Variants in TBC1D10B observed in about 807,000 individuals in gnomAD.
TBC1D10B encodes TBC1 domain family member 10B, also known as Rab27A-GAPbeta.
A neutral mutation model predicts 78.4 loss-of-function variants in TBC1D10B; 25 were observed. The observed-to-expected ratio is 0.32, with a 90% CI of 0.23 to 0.45. The LOEUF (loss-of-function observed/expected upper bound fraction) is 0.45. Among genes scored for constraint, TBC1D10B ranks in the 20% least tolerant of loss-of-function variants. The probability of loss-of-function intolerance (pLI) is 1.00; values close to 1 mark genes in which losing one functional copy is unlikely to be tolerated. For missense variants in TBC1D10B, 996 were observed against 1,104.8 expected (o/e 0.90, Z 1.40); for synonymous variants, 517 against 478.0 (o/e 1.08, Z -1.06).
Position 30,358,907 on chromosome 16 carries a change from A to C in TBC1D10B, c.1643-90T>G, listed in dbSNP as rs1238209104. The C allele has an allele frequency of 2.8e-6, 4 of 1,438,450 alleles. No individual in the cohort carries two copies. In the Admixed American group the frequency reaches 1.0e-4, roughly 37 times the overall value. 89.1% of individuals were successfully genotyped at this position (1,438,450 alleles called of 1,614,324 possible). A position where few individuals can be genotyped will look rare whatever the true frequency, so the allele number is the denominator to read the frequency against. On this transcript the variant is annotated intron_variant, in intron 7 of 8. Coordinates refer to ENST00000409939, the MANE Select transcript of TBC1D10B (RefSeq NM_015527.4). ...GGATAGACTCACAGCCCCCATCCCC[A>C]TCTACTGCCAATCTCAGATGAGGAA...
chr16:30,369,862 C>T lies in TBC1D10B; in HGVS notation c.322G>A (p.Gly108Ser), dbSNP rs1416348192. 2.1e-6 allele frequency: 3 copies of T among 1,396,016 alleles called. No homozygotes were observed. The highest frequency in any genetic ancestry group is 1.6e-5 in the South Asian group (1 of 61,920). The allele number at this position is 1,396,016 out of a possible 1,614,324, so 86.5% of individuals were successfully genotyped here. Reference sequence around the variant, plus strand: ...GCCGCGGGCTCTGGGGATTCCGGGCCGGAGGGGAGCTGCGGCTTTGGGGCT... The same window carrying T: ...GCCGCGGGCTCTGGGGATTCCGGGCTGGAGGGGAGCTGCGGCTTTGGGGCT... Reference protein sequence around the residue: ...PEAPKPQLPSGPESPEPAAVA... With the variant: ...PEAPKPQLPSSPESPEPAAVA... The change falls in exon 1 of 9, where the codon GGC becomes AGC. Residue 108 changes from glycine (G) to serine (S), a missense_variant. By Grantham distance (56) the Gly-to-Ser change is moderately conservative. Coordinates refer to ENST00000409939, the MANE Select transcript of TBC1D10B (RefSeq NM_015527.4). This position sits in a 1 kb window ranked among gnomAD's most constrained non-coding sequence, Gnocchi z 4.3.
chr16:30,366,429 C>G (rs1380139016), intron 1 of TBC1D10B: 1 of 152,018 alleles, frequency 6.6e-6, no homozygotes, highest in South Asian at 2.1e-4. Flanking sequence ...CGCTTGAACC[C>G]GGGAGGCGGA....
rs1282273509 is a variant in TBC1D10B, at chr16:30,368,342, G to A, written c.956+886C>T. 2.0e-5 allele frequency among the ~76,000 whole-genome samples: 3 copies of A among 152,272 alleles called. No individual in the cohort carries two copies. The East Asian group carries it at 5.8e-4, about 29-fold the overall frequency. On this transcript the variant is annotated intron_variant, in intron 1 of 8. Coordinates refer to ENST00000409939, the MANE Select transcript of TBC1D10B (RefSeq NM_015527.4). ...CTGGAGATCTCTAGGCTAAACCCGA[G>A]GTCTTCTATTGAAACCAACTGTTTA...
intron 4 of TBC1D10B, among the ~76,000 whole-genome samples, chr16:30,362,599 G>C (rs941580173): frequency 5.9e-5 from 9 of 152,118 alleles, no homozygotes; most frequent in African/African-American, 2.2e-4. Context: ...ATCCAGTCTC[G>C]TGGGTAAGAT....
chr16:30,369,315 A>T lies in TBC1D10B; in HGVS notation c.869T>A (p.Met290Lys). The T allele has an allele frequency of 1.3e-6, 2 of 1,595,492 alleles. No individual in the cohort carries two copies. The highest frequency in any genetic ancestry group is 1.7e-6 in the Non-Finnish European group (2 of 1,171,372). Residue 290 changes from methionine to lysine, a missense_variant, in exon 1 of 9, where the codon ATG (methionine) becomes AAG (lysine). Around this residue, in one of 5 missense-constraint regions of TBC1D10B, gnomAD observed 448 missense variants for 442.1 expected, o/e 1.01. Coordinates refer to ENST00000409939, the MANE Select transcript of TBC1D10B (RefSeq NM_015527.4). This position sits in a 1 kb window ranked among gnomAD's most constrained non-coding sequence, Gnocchi z 4.3. ...CCCGTTTATCTCTGAATCTGAGCCC[A>T]TGGAGCTCACATCATCCGCCAAGGA... ...LESLADDVSSMGSDSEINGLA... is the reference protein window; with the variant it reads ...LESLADDVSSKGSDSEINGLA...
rs1192671276 is a variant in TBC1D10B at position 30,359,289 on chromosome 16, G to A, written c.1525C>T (p.Leu509=). The A allele has an allele frequency of 1.2e-6, 2 of 1,607,154 alleles. No individual in the cohort carries two copies. Among genetic ancestry groups the A allele is most frequent in the Non-Finnish European group, 8.5e-7 (1 of 1,176,908 alleles). ...RRASPLAHRH[L]RRQRIDPVLY... ...ACAGGGTCAATGCGCTGCCGCCGCA[G>A]GTGGCGATGCGCCAGCGGGGAGGCC... Residue 509 remains leucine, a synonymous_variant, in exon 7 of 9, where the codon CTG becomes TTG. Coordinates refer to ENST00000409939, the MANE Select transcript of TBC1D10B (RefSeq NM_015527.4).
At position 30,369,877 on chromosome 16, in the gene TBC1D10B, G is replaced by C; in HGVS notation, c.307C>G (p.Pro103Ala). Residue 103 changes from proline to alanine, a missense_variant, in exon 1 of 9, where the codon CCG becomes GCG. Around this residue, in one of 5 missense-constraint regions of TBC1D10B, gnomAD observed 448 missense variants for 442.1 expected, o/e 1.01. Transcript: ENST00000409939. The surrounding 1 kb of genome is among the most constrained non-coding windows in gnomAD (Gnocchi z 4.3). ...TLEASPEAPK[P>A]QLPSGPESPE... ...GATTCCGGGCCGGAGGGGAGCTGCG[G>C]CTTTGGGGCTTCGGGCGAGGCCTCC... The C allele has an allele frequency of 7.2e-7, 1 of 1,397,146 alleles. No homozygotes were observed. Among genetic ancestry groups the C allele is most frequent in the Non-Finnish European group, 9.3e-7 (1 of 1,079,136 alleles). 86.5% of individuals were successfully genotyped at this position (1,397,146 alleles called of 1,614,324 possible).
Position 30,359,710 on chromosome 16 carries a change from A to C in TBC1D10B, c.1386+17T>G. The C allele has an allele frequency of 6.4e-7, 1 of 1,563,570 alleles. No individual in the cohort carries two copies. The highest frequency in any genetic ancestry group is 8.7e-7 in the Non-Finnish European group (1 of 1,153,782). On this transcript the variant is annotated intron_variant, in intron 5 of 8. Transcript: ENST00000409939. ...AGATCCCCCCTGCCCCTCCCGGCCCAGGACCAGGGCGCTGACCTCCGCAGG... is the reference window on the plus strand; with the variant it reads ...AGATCCCCCCTGCCCCTCCCGGCCCCGGACCAGGGCGCTGACCTCCGCAGG...
Position 30,358,153 on chromosome 16 carries a change from TCTC to T in TBC1D10B, c.2215_2217del (p.Glu739del), listed in dbSNP as rs778475689. On this transcript the variant is annotated inframe_deletion, in exon 9 of 9. Transcript: ENST00000409939. Reference sequence around the variant, plus strand: ...TTCTGCCGCTCCTTCTCCCGCTCCTTCTCCTGTTTCTGCCGCTCCTTCTCCTGT... The same window carrying T: ...TTCTGCCGCTCCTTCTCCCGCTCCTTCTGTTTCTGCCGCTCCTTCTCCTGT... 3.7e-5 allele frequency: 57 copies of T among 1,549,622 alleles called. No individual in the cohort carries two copies. The highest frequency in any genetic ancestry group is 5.0e-5 in the Non-Finnish European group (57 of 1,145,344).
intron 4 of TBC1D10B, among the ~76,000 whole-genome samples, chr16:30,362,275 G>A (rs1038309991): frequency 3.3e-5 from 5 of 152,220 alleles, no homozygotes; most frequent in East Asian, 1.9e-4. Flanking sequence ...GTGAGCCACC[G>A]CACCCAGCCA....
intron 4 of TBC1D10B, among the ~76,000 whole-genome samples, chr16:30,363,443 T>C (rs925358626): frequency 3.9e-5 from 6 of 152,132 alleles, no homozygotes; most frequent in Non-Finnish European, 7.4e-5. Context: ...TCACATTCTC[T>C]ATTTCCCTCT....
intron 4 of TBC1D10B, among the ~76,000 whole-genome samples, chr16:30,364,348 T>C (rs1321714479): frequency 6.6e-6 from 1 of 151,300 alleles, no homozygotes. Flanking sequence ...GGCTGAGGCA[T>C]GAGAATTGCT....
chr16:30,358,373 C>G lies in TBC1D10B; in HGVS notation c.1998G>C (p.Lys666Asn). The change falls in exon 9 of 9, where the codon AAG (lysine) becomes AAC (asparagine). Residue 666 changes from lysine to asparagine, a missense_variant. Physicochemically the swap from Lys to Asn is moderately conservative, Grantham distance 94 (BLOSUM62 0). Coordinates refer to ENST00000409939, the MANE Select transcript of TBC1D10B (RefSeq NM_015527.4). ...CTCCAGCTGCCCGGGAGCCTCGGCT[C>G]TTGAGGCCAGGGAGGCTGAGGAGGC... is the stretch of plus-strand genomic sequence containing the variant. The part of the protein sequence containing the change: ...SSSLLSLPGL[K>N]SRGSRAAGGA... 1 of 1,562,808 alleles carries G rather than the reference C, an allele frequency of 6.4e-7. No individual in the cohort carries two copies. Among genetic ancestry groups the G allele is most frequent in the African/African-American group, 1.4e-5 (1 of 73,688 alleles).
chr16:30,359,796 C>T lies in TBC1D10B; in HGVS notation c.1317G>A (p.Arg439=). 1 of 1,581,658 alleles carries T rather than the reference C, an allele frequency of 6.3e-7. No individual in the cohort carries two copies. Among genetic ancestry groups the T allele is most frequent in the Non-Finnish European group, 8.6e-7 (1 of 1,163,616 alleles). Residue 439 remains arginine (R), a synonymous_variant, in exon 5 of 9, where the codon CGG becomes CGA. Coordinates refer to ENST00000409939, the MANE Select transcript of TBC1D10B (RefSeq NM_015527.4). ...GGGCCTGGCAGTAACCCTCGTCAGGCCGGTAGATGGTGTAGGCCTTCAGGA... is the reference window on the plus strand; with the variant it reads ...GGGCCTGGCAGTAACCCTCGTCAGGTCGGTAGATGGTGTAGGCCTTCAGGA... ...YRILKAYTIY[R]PDEGYCQAQA...
In TBC1D10B at chr16:30,369,654, G is replaced by A; in HGVS notation, c.530C>T (p.Thr177Ile). 6.5e-7 allele frequency: 1 copy of A among 1,533,856 alleles called. No homozygotes were observed. Among genetic ancestry groups the A allele is most frequent in the Non-Finnish European group, 8.8e-7 (1 of 1,137,696 alleles). ...AKPPLAPKPG[T>I]TVASGVTARS... ...TGCAGTCACTCCTGAGGCCACTGTGGTTCCCGGCTTGGGGGCAAGCGGGGG... is the reference window on the plus strand; with the variant it reads ...TGCAGTCACTCCTGAGGCCACTGTGATTCCCGGCTTGGGGGCAAGCGGGGG... Residue 177 changes from threonine to isoleucine, a missense_variant, in exon 1 of 9, where the codon ACC (threonine) becomes ATC (isoleucine). Physicochemically the swap from Thr to Ile is moderately conservative, Grantham distance 89. This residue lies in a region of TBC1D10B where 448 missense variants were observed against 442.1 expected (regional missense o/e 1.01). Transcript: ENST00000409939. This position sits in a 1 kb window ranked among gnomAD's most constrained non-coding sequence, Gnocchi z 4.3.
At position 30,359,856 on chromosome 16, in the gene TBC1D10B, G is replaced by T. The variant is rs760741794; in HGVS notation, c.1272-15C>A. ...GGTCCTGTTGCCTGTGGGGGTTGGG[G>T]AAGACTGTGAGGGCAGTCACGGGCT... On this transcript the variant is annotated splice_polypyrimidine_tract_variant and intron_variant, in intron 4 of 8. Coordinates refer to ENST00000409939, the MANE Select transcript of TBC1D10B (RefSeq NM_015527.4). The T allele has an allele frequency of 1.5e-5, 24 of 1,551,308 alleles. No individual in the cohort carries two copies. Among genetic ancestry groups the T allele is most frequent in the Non-Finnish European group, 4.4e-6 (5 of 1,146,610 alleles).
At position 30,370,207 on chromosome 16, in the gene TBC1D10B, C is replaced by G; in HGVS notation, c.-24G>C. 9 of 1,124,430 alleles carry G rather than the reference C, an allele frequency of 8.0e-6. No homozygotes were observed. Among genetic ancestry groups the G allele is most frequent in the Non-Finnish European group, 9.9e-6 (9 of 913,406 alleles). The allele number at this position is 1,124,430 out of a possible 1,614,324, so 69.7% of individuals were successfully genotyped here. ...ATGGCCGCGGGCCGCCCCTCACATC[C>G]CCCCGCCGGGGAGGCCGCAGAAGGC... is the stretch of plus-strand genomic sequence containing the variant. On this transcript the variant is annotated 5_prime_UTR_variant, in exon 1 of 9. Coordinates refer to ENST00000409939, the MANE Select transcript of TBC1D10B (RefSeq NM_015527.4).
intron 1 of TBC1D10B, chr16:30,367,081 A>C (rs1030846719): frequency 9.2e-5 from 14 of 152,176 alleles, no homozygotes; most frequent in African/African-American, 3.1e-4. Flanking sequence ...CTTCAATCCG[A>C]TACTCGGGAG....
In TBC1D10B at chr16:30,357,900, T is replaced by C; in HGVS notation, c.*44A>G. ...ACCTTGGGCCAGGCCTGTTCTTGGC[T>C]GAGGGAAAGAGGGGGGCCATGCAGT... is the stretch of plus-strand genomic sequence containing the variant. On this transcript the variant is annotated 3_prime_UTR_variant, in exon 9 of 9. Transcript: ENST00000409939. 6.6e-7 allele frequency: 1 copy of C among 1,522,766 alleles called. No homozygotes were observed. Among genetic ancestry groups the C allele is most frequent in the Non-Finnish European group, 8.8e-7 (1 of 1,133,510 alleles). The allele number at this position is 1,522,766 out of a possible 1,614,324, so 94.3% of individuals were successfully genotyped here. A position where few individuals can be genotyped will look rare whatever the true frequency, so the allele number is the denominator to read the frequency against.
Sources: allele counts gnomAD v4.1 joint callset (sites outside exome capture counted in the v4.1 genomes callset), GRCh38; gene constraint gnomAD v4.1.1; regional missense constraint gnomAD v4.1.1; non-coding constraint Gnocchi (gnomAD v3.1); transcripts MANE v1.5; gene names NCBI Gene and HGNC (gene_info 2026-07-23, HGNC 2026-07-21).